Variants in ST3GAL2 observed in about 807,000 individuals in gnomAD.
ST3GAL2 encodes CMP-N-acetylneuraminate-beta-galactosamide-alpha-2,3-sialyltransferase 2.
Under a neutral mutation model 37.5 loss-of-function variants are expected in ST3GAL2, and 16 were observed. The observed-to-expected ratio is 0.43, with a 90% CI of 0.29 to 0.65. ST3GAL2 has a LOEUF of 0.65. Among genes scored for constraint, ST3GAL2 ranks in the 30% least tolerant of loss-of-function variants. ST3GAL2 has a pLI of 0.17. For synonymous variants in ST3GAL2, 238 were observed against 202.9 expected, an observed-to-expected ratio of 1.17 and a Z score of -1.47; for missense variants, 383 against 487.8, an observed-to-expected ratio of 0.79 and a Z score of 2.02.
chr16:70,413,560 C>CAAAAAAAAAAAAAAAA, intron 1 of ST3GAL2, among the ~76,000 whole-genome samples: 1 of 32,086 alleles, frequency 3.1e-5, no homozygotes, highest in African/African-American at 5.5e-5. Flanking sequence ...ATCAAAAATA[C>CAAAAAAAAAAAAAAAA]AAAAAAAAAA....
At chr16:70,389,075 CAAA>C (rs77375368) in intron 3 of ST3GAL2, among the ~76,000 whole-genome samples, 5 of 53,300 alleles carry the variant, frequency 9.4e-5, no homozygotes, top group South Asian at 1.2e-3. Flanking sequence ...CTCTTGTCTC[CAAA>C]AAAAAAAAAA....
intron 4 of ST3GAL2, 48 bp from the exon 5 acceptor site, chr16:70,383,283 G>C (rs770357000): frequency 7.7e-6 from 12 of 1,562,420 alleles, no homozygotes; most frequent in Non-Finnish European, 1.0e-5. Context: ...GGGCACGGTG[G>C]CTCACACCTG....
chr16:70,432,342 C>G (rs1180473037), intron 1 of ST3GAL2, among the ~76,000 whole-genome samples: 1 of 152,048 alleles, frequency 6.6e-6, no homozygotes, highest in African/African-American at 2.4e-5. Context: ...GGATAAGGCA[C>G]CCTTCAGCAT....
chr16:70,408,878 A>G (rs2047612722), intron 1 of ST3GAL2, among the ~76,000 whole-genome samples: 1 of 134,856 alleles, frequency 7.4e-6, no homozygotes, highest in Non-Finnish European at 1.6e-5. Context: ...TGTAGGAGAC[A>G]GCTCAAAGAA....
intron 1 of ST3GAL2, among the ~76,000 whole-genome samples, chr16:70,413,391 G>A (rs2047652632): frequency 6.6e-6 from 1 of 151,916 alleles, no homozygotes; most frequent in African/African-American, 2.4e-5. Context: ...ACACCAGCCT[G>A]GGCAACAGAG....
chr16:70,393,735 G>T (rs1597559644), intron 3 of ST3GAL2: 1 of 152,130 alleles, frequency 6.6e-6, no homozygotes, highest in African/African-American at 2.4e-5. Flanking sequence ...CCTGGACAGG[G>T]TCCACTCCAA....
intron 4 of ST3GAL2, among the ~76,000 whole-genome samples, chr16:70,385,260 C>A (rs1399158522): frequency 1.3e-5 from 2 of 152,124 alleles, no homozygotes; most frequent in Non-Finnish European, 2.9e-5. Flanking sequence ...GGCGCCATTG[C>A]ACTCCAGCCT....
chr16:70,402,619 G>A (rs925736916), intron 1 of ST3GAL2, among the ~76,000 whole-genome samples: 2 of 152,194 alleles, frequency 1.3e-5, no homozygotes, highest in African/African-American at 2.4e-5. Context: ...CAGGAGTACT[G>A]GGTACCTTGT....
chr16:70,398,135 C>T, intron 2 of ST3GAL2, 57 bp downstream of exon 2: 2 of 1,561,346 alleles, frequency 1.3e-6, no homozygotes, highest in African/African-American at 1.4e-5. Context: ...CAAGAGGGGG[C>T]TCTGAGTGGC....
chr16:70,418,946 G>A (rs1029500575), intron 1 of ST3GAL2, among the ~76,000 whole-genome samples: 6 of 152,216 alleles, frequency 3.9e-5, no homozygotes, highest in African/African-American at 1.4e-4. Context: ...CACACAGCAG[G>A]AAGAGGAGAC....
intron 1 of ST3GAL2, among the ~76,000 whole-genome samples, chr16:70,435,589 A>C (rs1020576785): frequency 2.0e-5 from 3 of 151,646 alleles, no homozygotes; most frequent in African/African-American, 7.3e-5. Context: ...CAAGAGTGAA[A>C]CTCTATCTCA....
chr16:70,411,443 C>A (rs557768071), intron 1 of ST3GAL2, among the ~76,000 whole-genome samples: 1 of 152,064 alleles, frequency 6.6e-6, no homozygotes, highest in South Asian at 2.1e-4. Context: ...CCTAGGATCT[C>A]TGTGCCTTCC....
chr16:70,384,725 A>AAC (rs1567665113), intron 4 of ST3GAL2, among the ~76,000 whole-genome samples: 5 of 150,498 alleles, frequency 3.3e-5, no homozygotes, highest in African/African-American at 9.8e-5. Context: ...AAAAAAAAAA[A>AAC]ACACAATAGT....
At chr16:70,385,698 C>CTTTTTTT (rs1034830291) in intron 4 of ST3GAL2, among the ~76,000 whole-genome samples, 7 of 92,212 alleles carry the variant, frequency 7.6e-5, no homozygotes, top group South Asian at 3.4e-4. Context: ...TTTTTTGGTT[C>CTTTTTTT]TTTTTTTTTT....
At chr16:70,421,491 A>G (rs1359549531) in intron 1 of ST3GAL2, among the ~76,000 whole-genome samples, 2 of 152,182 alleles carry the variant, frequency 1.3e-5, no homozygotes, top group South Asian at 4.1e-4. Flanking sequence ...CGTGCCATGT[A>G]CTACTGTTGT....
At chr16:70,401,994 C>CAAAAAAAA (rs749422742) in intron 1 of ST3GAL2, among the ~76,000 whole-genome samples, 1 of 60,200 alleles carries the variant, frequency 1.7e-5, no homozygotes, top group Non-Finnish European at 3.0e-5. Flanking sequence ...AACTCTGCCT[C>CAAAAAAAA]AAAAAAAAAA....
chr16:70,379,186 T>C lies in ST3GAL2; in HGVS notation c.*2503A>G, dbSNP rs1266116120. On this transcript the variant is annotated 3_prime_UTR_variant, in exon 7 of 7. Transcript: ENST00000342907. Reference sequence around the variant, plus strand: ...TGATGGATACCTGGAGACATCATGTTGACAGAGGCCAAAGTGGTTACAGGA... The same window carrying C: ...TGATGGATACCTGGAGACATCATGTCGACAGAGGCCAAAGTGGTTACAGGA... 1.3e-5 allele frequency: 2 copies of C among 152,168 alleles called. No individual in the cohort carries two copies. Among genetic ancestry groups the C allele is most frequent in the Non-Finnish European group, 2.9e-5 (2 of 68,046 alleles). The allele number at this position is 152,168 out of a possible 1,614,324, so 9.4% of individuals were successfully genotyped here.
intron 1 of ST3GAL2, among the ~76,000 whole-genome samples, chr16:70,435,074 C>T (rs1297962488): frequency 2.0e-5 from 3 of 152,178 alleles, no homozygotes; most frequent in African/African-American, 4.8e-5. Flanking sequence ...GACGAGGGCC[C>T]GGTTCAGCAA....
intron 1 of ST3GAL2, among the ~76,000 whole-genome samples, chr16:70,421,935 G>A (rs1005204356): frequency 4.6e-5 from 7 of 152,136 alleles, no homozygotes; most frequent in African/African-American, 1.7e-4. Flanking sequence ...TTTGTTTGTT[G>A]TTATTGTTTG....
Sources: allele counts gnomAD v4.1 joint callset (sites outside exome capture counted in the v4.1 genomes callset), GRCh38; gene constraint gnomAD v4.1.1; transcripts MANE v1.5; gene names NCBI Gene and HGNC (gene_info 2026-07-23, HGNC 2026-07-21).